Variants in GRIK4 observed in about 807,000 individuals in gnomAD.
GRIK4 encodes glutamate ionotropic receptor kainate type subunit 4.
Under a neutral mutation model 104.9 loss-of-function variants are expected in GRIK4, and 40 were observed. The observed-to-expected ratio is 0.38, with a 90% CI of 0.30 to 0.50. GRIK4 has a LOEUF of 0.50. GRIK4 is among the 20% of genes least tolerant of loss of function. The probability of loss-of-function intolerance (pLI) is 0.93; values close to 1 mark genes in which losing one functional copy is unlikely to be tolerated. For synonymous variants in GRIK4, 485 were observed against 524.9 expected, an observed-to-expected ratio of 0.92 and a Z score of 1.04; for missense variants, 1,047 against 1,308.1, an observed-to-expected ratio of 0.80 and a Z score of 3.08.
intron 11 of GRIK4, among the ~76,000 whole-genome samples, chr11:120,886,199 G>A (rs11218044): frequency 0.25 from 38,222 of 152,138 alleles, 6,395 homozygotes; most frequent in East Asian, 0.47. Flanking sequence ...TGATGTGCAC[G>A]TTCCCAGCTG....
At chr11:120,651,130 G>A (rs1949613941) in intron 1 of GRIK4, among the ~76,000 whole-genome samples, 1 of 152,174 alleles carries the variant, frequency 6.6e-6, no homozygotes, top group Admixed American at 6.5e-5. Flanking sequence ...AAGCAGGCAT[G>A]GGAGGCCATC....
chr11:120,647,891 C>T (rs1229887488), intron 1 of GRIK4, among the ~76,000 whole-genome samples: 3 of 152,196 alleles, frequency 2.0e-5, no homozygotes, highest in East Asian at 1.9e-4. Flanking sequence ...TCCCGGTGGC[C>T]GCCAGTGCCC....
chr11:120,632,326 G>A (rs1949342266), intron 1 of GRIK4, among the ~76,000 whole-genome samples: 1 of 152,070 alleles, frequency 6.6e-6, no homozygotes, highest in Non-Finnish European at 1.5e-5. Flanking sequence ...AAATTTCTAT[G>A]GTTTATAAAC....
intron 3 of GRIK4, among the ~76,000 whole-genome samples, chr11:120,697,068 C>T (rs1950461380): frequency 6.6e-6 from 1 of 152,204 alleles, no homozygotes; most frequent in Non-Finnish European, 1.5e-5. Context: ...ATCCTTCAAC[C>T]CGTTCGCTTC....
chr11:120,781,726 G>A (rs1367361815), intron 3 of GRIK4, among the ~76,000 whole-genome samples: 1 of 152,198 alleles, frequency 6.6e-6, no homozygotes, highest in Non-Finnish European at 1.5e-5. Flanking sequence ...GCAAGCGGAT[G>A]AAGCTGGCAG....
intron 1 of GRIK4, among the ~76,000 whole-genome samples, chr11:120,534,109 T>C (rs576372514): frequency 7.0e-4 from 105 of 150,960 alleles, no homozygotes; most frequent in African/African-American, 2.4e-3. Flanking sequence ...CAGAGGGGAG[T>C]GTGGGCCCAG....
At chr11:120,807,856 T>C (rs1459156435) in intron 4 of GRIK4, among the ~76,000 whole-genome samples, 1 of 152,182 alleles carries the variant, frequency 6.6e-6, no homozygotes, top group Non-Finnish European at 1.5e-5. Flanking sequence ...GTTCAAGATC[T>C]TCTCCAGGAA....
chr11:120,696,635 CTTGGGG>C (rs1950453662), intron 3 of GRIK4, among the ~76,000 whole-genome samples: 1 of 150,932 alleles, frequency 6.6e-6, no homozygotes, highest in Admixed American at 6.6e-5. Context: ...CCAGAATGGC[CTTGGGG>C]TTGGGAAAGG....
At chr11:120,788,687 C>A (rs945441490) in intron 3 of GRIK4, among the ~76,000 whole-genome samples, 1 of 152,116 alleles carries the variant, frequency 6.6e-6, no homozygotes, top group African/African-American at 2.4e-5. Context: ...CTTCAGAAAG[C>A]GCTCCTTTCT....
At chr11:120,796,192 C>A (rs184673539) in intron 3 of GRIK4, among the ~76,000 whole-genome samples, 1 of 152,052 alleles carries the variant, frequency 6.6e-6, no homozygotes, top group Non-Finnish European at 1.5e-5. Context: ...CCCGCCACAA[C>A]GCCTGGCATA....
At chr11:120,536,392 A>G (rs977399658) in intron 1 of GRIK4, among the ~76,000 whole-genome samples, 3 of 152,188 alleles carry the variant, frequency 2.0e-5, no homozygotes, top group Non-Finnish European at 4.4e-5. Flanking sequence ...GCGAGCCTTA[A>G]GCCAATGCCT....
At chr11:120,727,705 CA>C (rs1239847147) in intron 3 of GRIK4, among the ~76,000 whole-genome samples, 4 of 151,818 alleles carry the variant, frequency 2.6e-5, no homozygotes, top group Non-Finnish European at 5.9e-5. Flanking sequence ...TAACATAAAT[CA>C]GAAGTAGAAA....
chr11:120,677,685 C>T (rs1017455608), intron 3 of GRIK4, among the ~76,000 whole-genome samples: 4 of 152,172 alleles, frequency 2.6e-5, no homozygotes, highest in Non-Finnish European at 5.9e-5. Flanking sequence ...GACATCAGCT[C>T]TGGAGTTAGG....
At chr11:120,673,665 G>C (rs1269507819) in intron 3 of GRIK4, among the ~76,000 whole-genome samples, 1 of 152,198 alleles carries the variant, frequency 6.6e-6, no homozygotes, top group Non-Finnish European at 1.5e-5. Flanking sequence ...ACTTCACTCT[G>C]ATGCTCTGGC....
rs1944274849 is a variant in GRIK4, at chr11:120,960,964, C to T, written c.1930C>T (p.Leu644=). 6.2e-7 allele frequency: 1 copy of T among 1,613,950 alleles called. No individual in the cohort carries two copies. The highest frequency in any genetic ancestry group is 1.3e-5 in the African/African-American group (1 of 74,922). The change falls in exon 17 of 21, where the codon CTG becomes TTG. Residue 644 remains leucine, a synonymous_variant. Transcript: ENST00000527524. Reference sequence around the variant, plus strand: ...CTACACGGCCAACCTGGCAGCCTTCCTGACCGTGCAGCGCATGGATGTGCC... The same window carrying T: ...CTACACGGCCAACCTGGCAGCCTTCTTGACCGTGCAGCGCATGGATGTGCC... ...SSYTANLAAF[L]TVQRMDVPIE...
intron 14 of GRIK4, among the ~76,000 whole-genome samples, chr11:120,948,675 A>T (rs547427344): frequency 6.6e-6 from 1 of 152,208 alleles, no homozygotes; most frequent in South Asian, 2.1e-4. Context: ...CATCTTTAAC[A>T]TGTGTCACTG....
chr11:120,899,861 A>T (rs1942685136), intron 12 of GRIK4, among the ~76,000 whole-genome samples: 4 of 152,218 alleles, frequency 2.6e-5, no homozygotes, highest in African/African-American at 9.7e-5. Context: ...GAGGCGATGC[A>T]TGAGTTCGCC....
At chr11:120,558,316 G>A (rs552637903) in intron 1 of GRIK4, among the ~76,000 whole-genome samples, 7 of 152,254 alleles carry the variant, frequency 4.6e-5, no homozygotes, top group Admixed American at 6.5e-5. Flanking sequence ...GGCTGTGCAC[G>A]GTGGCTCACG....
rs199658262 is a variant in GRIK4 at position 120,967,207 on chromosome 11, G to A, written c.2279G>A (p.Arg760Gln). 11 of 1,613,270 alleles carry A rather than the reference G, an allele frequency of 6.8e-6. No individual in the cohort carries two copies. The highest frequency in any genetic ancestry group is 1.3e-5 in the African/African-American group (1 of 75,000). ...GIGMPVGSVFRDEFDLAILQL... is the reference protein window; with the variant it reads ...GIGMPVGSVFQDEFDLAILQL... ...GTAACCCCCGCAGGCTCGGTTTTCC[G>A]GGACGAGTTTGATCTGGCCATTCTC... Residue 760 changes from arginine (R) to glutamine (Q), a missense_variant, in exon 19 of 21, where the codon CGG becomes CAG. Arg to Gln is a conservative substitution (Grantham distance 43). This residue lies in a region of GRIK4 where 440 missense variants were observed against 652.3 expected (regional missense o/e 0.67). Coordinates refer to ENST00000527524, the MANE Select transcript of GRIK4 (RefSeq NM_014619.5). The surrounding 1 kb of genome is among the most constrained non-coding windows in gnomAD (Gnocchi z 4.2).
Sources: gnomAD v4.1 joint callset for allele counts (sites outside exome capture counted in the v4.1 genomes callset) on GRCh38, gnomAD v4.1.1 for gene constraint, gnomAD v4.1.1 regional missense constraint, Gnocchi (gnomAD v3.1) non-coding constraint, MANE v1.5 for transcripts, NCBI Gene and HGNC (gene_info 2026-07-23, HGNC 2026-07-21) for gene names.